CAMK4: variants seen among roughly 807,000 people sequenced by gnomAD.
CAMK4 encodes the protein calcium/calmodulin dependent protein kinase IV.
A neutral mutation model predicts 44.9 loss-of-function variants in CAMK4; 22 were observed. The observed-to-expected ratio is 0.49, with a 90% CI of 0.35 to 0.70. The LOEUF (loss-of-function observed/expected upper bound fraction) is 0.70, where lower values mean the gene tolerates loss of function less well. Among genes scored for constraint, CAMK4 ranks in the 30% least tolerant of loss-of-function variants. The pLI is 0.01. For missense variants in CAMK4, 498 were observed against 586.8 expected, an observed-to-expected ratio of 0.85 and a Z score of 1.56; for synonymous variants, 218 against 215.4, an observed-to-expected ratio of 1.01 and a Z score of -0.11.
intron 5 of CAMK4, among the ~76,000 whole-genome samples, chr5:111,435,573 G>T (rs1486740253): frequency 1.3e-5 from 2 of 152,134 alleles, no homozygotes; most frequent in African/African-American, 2.4e-5. Context: ...TAGGGCCAAG[G>T]TCAAGATCCC....
chr5:111,435,849 CA>C (rs1339430170), intron 5 of CAMK4, among the ~76,000 whole-genome samples: 6 of 152,288 alleles, frequency 3.9e-5, no homozygotes, highest in African/African-American at 1.2e-4. Context: ...TAGAGAATGT[CA>C]TAATCATGTT....
intron 1 of CAMK4, among the ~76,000 whole-genome samples, chr5:111,226,244 A>G (rs1748187313): frequency 6.6e-6 from 1 of 152,246 alleles, no homozygotes; most frequent in African/African-American, 2.4e-5. Context: ...ATGAAACTCA[A>G]GAAATTCACT....
At chr5:111,250,668 C>A (rs565599420) in intron 1 of CAMK4, among the ~76,000 whole-genome samples, 1 of 152,258 alleles carries the variant, frequency 6.6e-6, no homozygotes, top group African/African-American at 2.4e-5. Flanking sequence ...TTACCTAGAT[C>A]CTGTTTTACC....
chr5:111,362,062 C>T (rs1418155318), intron 2 of CAMK4, among the ~76,000 whole-genome samples: 1 of 151,934 alleles, frequency 6.6e-6, no homozygotes, highest in Non-Finnish European at 1.5e-5. Context: ...AAAAGTCATT[C>T]TAGGAAAGGC....
At chr5:111,330,020 T>A (rs1400973921) in intron 1 of CAMK4, among the ~76,000 whole-genome samples, 1 of 151,558 alleles carries the variant, frequency 6.6e-6, no homozygotes, top group African/African-American at 2.4e-5. Flanking sequence ...AAGGTAAAGT[T>A]TGAAGTAAAA....
intron 2 of CAMK4, among the ~76,000 whole-genome samples, chr5:111,346,979 G>T (rs1749900318): frequency 6.6e-6 from 1 of 151,944 alleles, no homozygotes; most frequent in South Asian, 2.1e-4. Context: ...ACTATGAAAG[G>T]TAAGGGTACA....
chr5:111,464,614 A>G (rs1287661606), intron 7 of CAMK4, among the ~76,000 whole-genome samples: 1 of 152,184 alleles, frequency 6.6e-6, no homozygotes, highest in Non-Finnish European at 1.5e-5. Flanking sequence ...AAAATGATTT[A>G]TAGTCTAGGG....
chr5:111,395,336 C>T (rs1345958410), intron 5 of CAMK4, among the ~76,000 whole-genome samples: 6 of 151,768 alleles, frequency 4.0e-5, no homozygotes, highest in Non-Finnish European at 7.4e-5. Context: ...TATATAATGC[C>T]ATAAGTGTGT....
chr5:111,436,627 A>T (rs759028644), intron 5 of CAMK4, among the ~76,000 whole-genome samples: 5 of 152,164 alleles, frequency 3.3e-5, no homozygotes, highest in Non-Finnish European at 7.3e-5. Flanking sequence ...CATTCTCACT[A>T]CTGGAGTCTA....
chr5:111,259,668 A>G (rs536895423), intron 1 of CAMK4, among the ~76,000 whole-genome samples: 1 of 152,334 alleles, frequency 6.6e-6, no homozygotes, highest in South Asian at 2.1e-4. Flanking sequence ...TATATGTGGT[A>G]TCTCCTACAT....
At chr5:111,353,982 C>A (rs958973222) in intron 2 of CAMK4, among the ~76,000 whole-genome samples, 2 of 151,900 alleles carry the variant, frequency 1.3e-5, no homozygotes, top group African/African-American at 4.8e-5. Context: ...GAAATAAGGT[C>A]AATATATTAA....
intron 1 of CAMK4, among the ~76,000 whole-genome samples, chr5:111,264,567 T>C (rs1383101717): frequency 6.6e-6 from 1 of 152,216 alleles, no homozygotes; most frequent in Non-Finnish European, 1.5e-5. Flanking sequence ...ACTAAATCTA[T>C]TGTCCATGTG....
intron 7 of CAMK4, among the ~76,000 whole-genome samples, chr5:111,461,809 A>G (rs1415040252): frequency 1.9e-4 from 24 of 125,194 alleles, no homozygotes; most frequent in Admixed American, 8.2e-4. Flanking sequence ...ACAAGCCTCT[A>G]TAGTAAAAAA....
chr5:111,227,899 T>C (rs1348283377), intron 1 of CAMK4, among the ~76,000 whole-genome samples: 3 of 152,240 alleles, frequency 2.0e-5, no homozygotes, highest in African/African-American at 7.2e-5. Flanking sequence ...CATGATCCTA[T>C]TCAGGGCTCC....
At chr5:111,392,835 A>G (rs528617586) in intron 4 of CAMK4, among the ~76,000 whole-genome samples, 1 of 152,324 alleles carries the variant, frequency 6.6e-6, no homozygotes, top group East Asian at 1.9e-4. Context: ...CAAATGTACA[A>G]AATAAGTCTC....
At chr5:111,374,088 G>GA (rs1751117516) in intron 2 of CAMK4, among the ~76,000 whole-genome samples, 1 of 152,100 alleles carries the variant, frequency 6.6e-6, no homozygotes, top group Non-Finnish European at 1.5e-5. Context: ...AACTTAAACA[G>GA]AAAAAGGAAA....
intron 1 of CAMK4, among the ~76,000 whole-genome samples, chr5:111,338,452 A>G (rs1055354606): frequency 2.0e-5 from 3 of 151,310 alleles, no homozygotes; most frequent in Non-Finnish European, 4.4e-5. Context: ...TTTGCTGTGC[A>G]GAAATTCTTT....
rs753181636 is a variant in CAMK4 at position 111,344,054 on chromosome 5, A to G, written c.192A>G (p.Lys64=). 1.2e-5 allele frequency: 19 copies of G among 1,607,844 alleles called. No individual in the cohort carries two copies. In the East Asian group the frequency reaches 4.0e-4, roughly 34 times the overall value. The change falls in exon 2 of 11, where the codon AAA becomes AAG. Residue 64 remains lysine, a synonymous_variant. Coordinates refer to ENST00000282356, the MANE Select transcript of CAMK4 (RefSeq NM_001744.6). ...RGATSIVYRC[K]QKGTQKPYAL... ...CTACATCCATTGTGTACAGATGCAAACAGAAGGGGACCCAGAAGCCTTATG... is the reference window on the plus strand; with the variant it reads ...CTACATCCATTGTGTACAGATGCAAGCAGAAGGGGACCCAGAAGCCTTATG...
Position 111,491,306 on chromosome 5 carries a change from A to C in CAMK4, c.*6840A>C, listed in dbSNP as rs1441703341. On this transcript the variant is annotated 3_prime_UTR_variant, in exon 11 of 11. Transcript: ENST00000282356. Reference sequence around the variant, plus strand: ...GAGTTGAGTACTTTCAACAGAGACCATATGGACTGCAAAGCCTAAAATGTG... The same window carrying C: ...GAGTTGAGTACTTTCAACAGAGACCCTATGGACTGCAAAGCCTAAAATGTG... 6.6e-6 allele frequency: 1 copy of C among 152,164 alleles called. No homozygotes were observed. The highest frequency in any genetic ancestry group is 2.4e-5 in the African/African-American group (1 of 41,434). The allele number at this position is 152,164 out of a possible 1,614,324, so 9.4% of individuals were successfully genotyped here. A position where few individuals can be genotyped will look rare whatever the true frequency, so the allele number is the denominator to read the frequency against.
Sources: gnomAD v4.1 joint callset for allele counts (sites outside exome capture counted in the v4.1 genomes callset) on GRCh38, gnomAD v4.1.1 for gene constraint, MANE v1.5 for transcripts, NCBI Gene and HGNC (gene_info 2026-07-23, HGNC 2026-07-21) for gene names.